Variants in TRAPPC8 observed in about 807,000 individuals in gnomAD.
TRAPPC8 encodes trafficking protein particle complex subunit 8.
TRAPPC8 carries 54 observed loss-of-function variants against 174.3 expected under a neutral mutation model. The observed-to-expected ratio is 0.31, with a 90% CI of 0.25 to 0.39. The LOEUF (loss-of-function observed/expected upper bound fraction) is 0.39, where lower values mean the gene tolerates loss of function less well. TRAPPC8 is among the 10% of genes least tolerant of loss of function. The pLI is 1.00. For synonymous variants in TRAPPC8, 630 were observed against 579.9 expected (o/e 1.09, Z -1.24); for missense variants, 1,531 against 1,699.1 (o/e 0.90, Z 1.74).
At chr18:31,941,233 G>A (rs1003957833) in intron 1 of TRAPPC8, among the ~76,000 whole-genome samples, 1 of 152,102 alleles carries the variant, frequency 6.6e-6, no homozygotes, top group Non-Finnish European at 1.5e-5. Context: ...ACCTGAGGTC[G>A]GGAGTTCGAG....
intron 5 of TRAPPC8, among the ~76,000 whole-genome samples, chr18:31,912,239 C>T (rs2036943485): frequency 6.6e-6 from 1 of 152,158 alleles, no homozygotes; most frequent in Admixed American, 6.5e-5. Flanking sequence ...GCCTATAATC[C>T]TAGCACTTTT....
At chr18:31,904,228 C>G (rs995344152) in intron 9 of TRAPPC8, among the ~76,000 whole-genome samples, 7 of 149,200 alleles carry the variant, frequency 4.7e-5, no homozygotes, top group Non-Finnish European at 8.9e-5. Context: ...AGAGCAAGAC[C>G]TTGCCTCCAA....
intron 14 of TRAPPC8, 126 bp from the exon 15 acceptor site, chr18:31,871,246 TTCTG>T: frequency 2.7e-6 from 1 of 374,936 alleles, no homozygotes; most frequent in South Asian, 1.5e-4. Context: ...CTATTTCTAA[TTCTG>T]AGTGAAAAAT....
intron 1 of TRAPPC8, among the ~76,000 whole-genome samples, chr18:31,934,524 T>C (rs1408712275): frequency 6.6e-6 from 1 of 152,132 alleles, no homozygotes; most frequent in Non-Finnish European, 1.5e-5. Flanking sequence ...AAAAAAACTA[T>C]GGTGCATTTC....
At chr18:31,891,639 T>G (rs1421730115) in intron 11 of TRAPPC8, among the ~76,000 whole-genome samples, 1 of 152,170 alleles carries the variant, frequency 6.6e-6, no homozygotes, top group Non-Finnish European at 1.5e-5. Flanking sequence ...TGATTAAATA[T>G]CAACAACATT....
At chr18:31,873,110 C>T (rs1199555199) in intron 14 of TRAPPC8, among the ~76,000 whole-genome samples, 4 of 148,536 alleles carry the variant, frequency 2.7e-5, no homozygotes, top group Non-Finnish European at 5.9e-5. Flanking sequence ...CTCCGCCTCC[C>T]GGGTTCACGC....
rs2034641459 is a variant in TRAPPC8, at chr18:31,867,476, C to A, written c.2389G>T (p.Val797Phe). 1.3e-6 allele frequency: 2 copies of A among 1,593,458 alleles called. No individual in the cohort carries two copies. Among genetic ancestry groups the A allele is most frequent in the Non-Finnish European group, 1.7e-6 (2 of 1,164,780 alleles). The change falls in exon 17 of 29, where the codon GTT (valine) becomes TTT (phenylalanine). Residue 797 changes from valine to phenylalanine, a missense_variant and splice_region_variant. By Grantham distance (50) the Val-to-Phe change is conservative. Coordinates refer to ENST00000283351, the MANE Select transcript of TRAPPC8 (RefSeq NM_014939.5). ...CCAATCATTTCAGGTTCACTTGTAA[C>A]CTAAAAAATAAATTTCATAAATTAT... ...GKDNEEVKQL[V>F]TSEPEMIGAE...
rs181538326 is a variant in TRAPPC8 at position 31,870,516 on chromosome 18, G to C, written c.2258-14C>G. 4 of 1,594,322 alleles carry C rather than the reference G, an allele frequency of 2.5e-6. No individual in the cohort carries two copies. Among genetic ancestry groups the C allele is most frequent in the Admixed American group, 1.8e-5 (1 of 55,016 alleles). On this transcript the variant is annotated splice_polypyrimidine_tract_variant and intron_variant, in intron 15 of 28. Coordinates refer to ENST00000283351, the MANE Select transcript of TRAPPC8 (RefSeq NM_014939.5). ...CTGTAATTGGTTCTATTAAAAAAAA[G>C]GCCTAAATTAATAACTTTAATAAAC...
intron 12 of TRAPPC8, among the ~76,000 whole-genome samples, chr18:31,887,762 C>T (rs948758035): frequency 6.7e-6 from 1 of 149,664 alleles, no homozygotes; most frequent in African/African-American, 2.6e-5. Context: ...GACAAGGATG[C>T]CCTCTCTCAT....
chr18:31,838,325 C>T (rs558409643), intron 27 of TRAPPC8, among the ~76,000 whole-genome samples: 2 of 152,240 alleles, frequency 1.3e-5, no homozygotes, highest in Admixed American at 1.3e-4. Context: ...TATAACTACC[C>T]CCTGAAATGG....
At chr18:31,909,157 T>C in intron 6 of TRAPPC8, 147 bp from the exon 7 acceptor site, 1 of 697,260 alleles carries the variant, frequency 1.4e-6, no homozygotes, top group South Asian at 4.2e-5. Flanking sequence ...AAAACAGCAG[T>C]AACATCCCCC....
intron 24 of TRAPPC8, among the ~76,000 whole-genome samples, chr18:31,851,513 CTT>C (rs34103534): frequency 3.4e-5 from 5 of 145,728 alleles, no homozygotes; most frequent in Non-Finnish European, 4.5e-5. Flanking sequence ...CTAGGAGGCT[CTT>C]TTTTTTTTTT....
intron 15 of TRAPPC8, among the ~76,000 whole-genome samples, 163 bp from the exon 16 acceptor site, chr18:31,870,665 T>C (rs931085202): frequency 2.0e-5 from 3 of 152,242 alleles, no homozygotes; most frequent in Non-Finnish European, 2.9e-5. Context: ...GTTGTAATAC[T>C]ACATTACCTC....
chr18:31,885,577 G>T (rs2035666447), intron 12 of TRAPPC8, among the ~76,000 whole-genome samples: 1 of 151,932 alleles, frequency 6.6e-6, no homozygotes, highest in Non-Finnish European at 1.5e-5. Flanking sequence ...AAGAAATATG[G>T]GCCGGGCACG....
intron 1 of TRAPPC8, chr18:31,939,627 C>T (rs1038865266): frequency 1.6e-4 from 24 of 152,224 alleles, no homozygotes; most frequent in Admixed American, 1.1e-3. Context: ...CATTATACTC[C>T]TTCACTAGGC....
In TRAPPC8 at chr18:31,829,566, A is replaced by T. The variant is rs2032241447; in HGVS notation, c.*1189T>A. On this transcript the variant is annotated 3_prime_UTR_variant, in exon 29 of 29. Transcript: ENST00000283351. ...CAGACTAGCCACCCATCTCTCAAGAAGAGTTGTTCCAAGTACAGGTTTGGA... is the reference window on the plus strand; with the variant it reads ...CAGACTAGCCACCCATCTCTCAAGATGAGTTGTTCCAAGTACAGGTTTGGA... 1 of 152,306 alleles carries T rather than the reference A, an allele frequency of 6.6e-6. No individual in the cohort carries two copies. Among genetic ancestry groups the T allele is most frequent in the South Asian group, 2.1e-4 (1 of 4,834 alleles). The allele number at this position is 152,306 out of a possible 1,614,324, so 9.4% of individuals were successfully genotyped here. A position where few individuals can be genotyped will look rare whatever the true frequency, so the allele number is the denominator to read the frequency against.
chr18:31,900,866 A>G (rs1315038910), intron 10 of TRAPPC8, 59 bp downstream of exon 10: 1 of 1,402,964 alleles, frequency 7.1e-7, no homozygotes, highest in Non-Finnish European at 9.6e-7. Context: ...GGAAAAAAAA[A>G]AAAAAAGAAC....
At chr18:31,893,380 G>GGTGTGTGTGTGTGTGTGTGT (rs10660521) in intron 11 of TRAPPC8, among the ~76,000 whole-genome samples, 3 of 149,642 alleles carry the variant, frequency 2.0e-5, no homozygotes, top group African/African-American at 7.5e-5. Context: ...TTTGCTTCTA[G>GGTGTGTGTGTGTGTGTGTGT]GTGTGTGTGT....
chr18:31,866,792 T>C, intron 18 of TRAPPC8, 57 bp downstream of exon 18: 1 of 1,575,042 alleles, frequency 6.3e-7, no homozygotes, highest in Non-Finnish European at 8.6e-7. Flanking sequence ...GTCCATTTTA[T>C]TCTATGGAGT....
Sources: allele counts gnomAD v4.1 joint callset (sites outside exome capture counted in the v4.1 genomes callset), GRCh38; gene constraint gnomAD v4.1.1; transcripts MANE v1.5; gene names NCBI Gene and HGNC (gene_info 2026-07-23, HGNC 2026-07-21).